The following FARS2 variants were observed in gnomAD, a reference collection of about 807,000 sequenced individuals.
FARS2 encodes the protein phenylalanyl-tRNA synthetase 2, mitochondrial.
A neutral mutation model predicts 46.4 loss-of-function variants in FARS2; 40 were observed. That is an observed-to-expected ratio of 0.86 (90% CI 0.67 to 1.12). The LOEUF is 1.12. Among genes scored for constraint, FARS2 ranks in the 50% most tolerant of loss-of-function variants. The pLI, the probability that FARS2 is intolerant of heterozygous loss-of-function variation, is 0.00. For synonymous variants in FARS2, 234 were observed against 214.9 expected, an observed-to-expected ratio of 1.09 and a Z score of -0.78; for missense variants, 513 against 567.9, an observed-to-expected ratio of 0.90 and a Z score of 0.98.
chr6:5,462,907 T>C (rs1468154972), intron 4 of FARS2, among the ~76,000 whole-genome samples: 1 of 152,214 alleles, frequency 6.6e-6, no homozygotes, highest in Non-Finnish European at 1.5e-5. Flanking sequence ...ATCTCAATAG[T>C]ATTGAGTTAG....
the FARS2 span, among the ~76,000 whole-genome samples, chr6:5,253,328 A>G: frequency 1.3e-5 from 2 of 152,204 alleles, no homozygotes; most frequent in East Asian, 1.9e-4. Flanking sequence ...GTGCAAAAGG[A>G]ATGCAGTTTT....
At chr6:5,600,930 G>A (rs1774472985) in intron 5 of FARS2, among the ~76,000 whole-genome samples, 1 of 152,178 alleles carries the variant, frequency 6.6e-6, no homozygotes, top group Non-Finnish European at 1.5e-5. Context: ...GTATTAGGAA[G>A]TGGAGCTTTA....
chr6:5,743,892 T>C (rs1401826969), intron 6 of FARS2, among the ~76,000 whole-genome samples: 2 of 152,242 alleles, frequency 1.3e-5, no homozygotes, highest in African/African-American at 4.8e-5. Context: ...TTTCCACTCA[T>C]TGAGTGCTAA....
intron 6 of FARS2, among the ~76,000 whole-genome samples, chr6:5,640,707 A>G (rs1013893148): frequency 5.9e-5 from 9 of 152,168 alleles, no homozygotes; most frequent in African/African-American, 2.2e-4. Flanking sequence ...TAACCTAACA[A>G]TACTGCACAC....
At chr6:5,580,066 C>T (rs997175573) in intron 5 of FARS2, among the ~76,000 whole-genome samples, 3 of 151,734 alleles carry the variant, frequency 2.0e-5, no homozygotes, top group African/African-American at 7.3e-5. Flanking sequence ...CCTAGGCAGG[C>T]GGATCATGAG....
At chr6:5,522,816 T>G (rs1769226920) in intron 4 of FARS2, among the ~76,000 whole-genome samples, 1 of 152,252 alleles carries the variant, frequency 6.6e-6, no homozygotes. Context: ...ATCTCTTTCA[T>G]TTTTCTTTCT....
intron 1 of FARS2, among the ~76,000 whole-genome samples, chr6:5,298,227 ACT>A (rs779799294): frequency 6.6e-6 from 1 of 152,080 alleles, no homozygotes; most frequent in Non-Finnish European, 1.5e-5. Flanking sequence ...ACTTCATGTC[ACT>A]CTCTGTCTCC....
intron 1 of FARS2, among the ~76,000 whole-genome samples, chr6:5,342,569 A>G (rs947064087): frequency 2.0e-5 from 3 of 152,010 alleles, no homozygotes; most frequent in Non-Finnish European, 2.9e-5. Context: ...CCTGACCAAC[A>G]TGGAAAAACC....
intron 5 of FARS2, among the ~76,000 whole-genome samples, chr6:5,569,538 T>C (rs534716239): frequency 2.0e-5 from 3 of 152,190 alleles, no homozygotes; most frequent in Non-Finnish European, 2.9e-5. Flanking sequence ...AATATAAAAA[T>C]GTGAATTTAA....
At chr6:5,518,514 A>G (rs1768946748) in intron 4 of FARS2, among the ~76,000 whole-genome samples, 1 of 152,182 alleles carries the variant, frequency 6.6e-6, no homozygotes, top group African/African-American at 2.4e-5. Flanking sequence ...ATTCTATGAG[A>G]ATATAGAGTG....
At chr6:5,536,510 A>G (rs905746170) in intron 4 of FARS2, among the ~76,000 whole-genome samples, 1 of 152,212 alleles carries the variant, frequency 6.6e-6, no homozygotes, top group Non-Finnish European at 1.5e-5. Flanking sequence ...GCAGAACCCT[A>G]TAAGGAGGTC....
At chr6:5,617,030 G>C (rs1775512260) in intron 6 of FARS2, among the ~76,000 whole-genome samples, 1 of 152,022 alleles carries the variant, frequency 6.6e-6, no homozygotes, top group Admixed American at 6.6e-5. Context: ...TGCTGAATGG[G>C]CATGCTAACT....
At chr6:5,296,709 A>G (rs1378484203) in intron 1 of FARS2, among the ~76,000 whole-genome samples, 6 of 152,208 alleles carry the variant, frequency 3.9e-5, no homozygotes, top group Non-Finnish European at 1.5e-5. Flanking sequence ...TTCAGTGAGC[A>G]TAACATTTTC....
intron 4 of FARS2, among the ~76,000 whole-genome samples, chr6:5,475,115 T>G (rs1458625608): frequency 6.6e-6 from 1 of 152,152 alleles, no homozygotes; most frequent in Non-Finnish European, 1.5e-5. Context: ...TGAAAGGATA[T>G]GATTGTTTGC....
At chr6:5,682,550 C>T (rs1402153773) in intron 6 of FARS2, among the ~76,000 whole-genome samples, 2 of 152,216 alleles carry the variant, frequency 1.3e-5, no homozygotes, top group South Asian at 2.1e-4. Flanking sequence ...TTATGTAAAA[C>T]GTCCTGTGCT....
At chr6:5,579,537 G>C (rs544849392) in intron 5 of FARS2, among the ~76,000 whole-genome samples, 1 of 152,322 alleles carries the variant, frequency 6.6e-6, no homozygotes, top group African/African-American at 2.4e-5. Flanking sequence ...GCCTCCCAAA[G>C]TGCTGGGATT....
chr6:5,456,370 A>C (rs1465418049), intron 4 of FARS2, among the ~76,000 whole-genome samples: 1 of 152,160 alleles, frequency 6.6e-6, no homozygotes, highest in African/African-American at 2.4e-5. Flanking sequence ...AGGGCTTACT[A>C]TTTAGTCCCA....
chr6:5,277,855 C>A (rs1011483897), intron 1 of FARS2, among the ~76,000 whole-genome samples: 1 of 152,130 alleles, frequency 6.6e-6, no homozygotes, highest in Non-Finnish European at 1.5e-5. Flanking sequence ...ATTTTCACTG[C>A]CCCCGACCCC....
intron 6 of FARS2, among the ~76,000 whole-genome samples, chr6:5,732,178 C>T (rs1760670008): frequency 6.6e-6 from 1 of 152,226 alleles, no homozygotes; most frequent in Non-Finnish European, 1.5e-5. Context: ...ATGCTAGATG[C>T]TGGGGACACA....
Sources: gnomAD v4.1 joint callset for allele counts (sites outside exome capture counted in the v4.1 genomes callset) on GRCh38, gnomAD v4.1.1 for gene constraint, MANE v1.5 for transcripts, NCBI Gene and HGNC (gene_info 2026-07-23, HGNC 2026-07-21) for gene names.